The following SBF2 variants were observed in gnomAD, a reference collection of about 807,000 sequenced individuals.
SBF2 encodes the protein myotubularin-related protein 13.
SBF2 carries 112 observed loss-of-function variants against 225.2 expected under a neutral mutation model. The ratio of observed to expected loss-of-function variants is 0.50; its 90% CI spans 0.43 to 0.58. The LOEUF is 0.58. Among genes scored for constraint, SBF2 ranks in the 20% least tolerant of loss-of-function variants. SBF2 has a pLI of 0.00. For synonymous variants in SBF2, 763 were observed against 773.3 expected (o/e 0.99, Z 0.22); for missense variants, 1,996 against 2,206.2 (o/e 0.90, Z 1.91).
chr11:10,196,866 A>ATATTTTTTT lies in SBF2; in HGVS notation c.56-2880_56-2879insAAAAAAATA. On this transcript the variant is annotated intron_variant, in intron 1 of 39. Transcript: ENST00000256190. ...TATATATATATATATATATATATATATTTTTTTTTTCCTACAAAATGAATA... is the reference window on the plus strand; with the variant it reads ...TATATATATATATATATATATATATATATTTTTTTTTTTTTTTTTCCTACAAAATGAATA... Among the ~76,000 whole-genome samples, 80 of 99,306 alleles carry ATATTTTTTT rather than the reference A, an allele frequency of 8.1e-4. 1 individual carries two copies. Among genetic ancestry groups the ATATTTTTTT allele is most frequent in the African/African-American group, 2.7e-3 (68 of 24,794 alleles). 65.1% of individuals were successfully genotyped at this position (99,306 alleles called of 152,430 possible).
intron 2 of SBF2, among the ~76,000 whole-genome samples, chr11:10,069,101 A>G (rs370157026): frequency 1.5e-4 from 23 of 152,228 alleles, no homozygotes; most frequent in African/African-American, 5.5e-4. Context: ...GTACAATGAA[A>G]CCCATTTACC....
chr11:9,930,675 C>T (rs370293700), intron 16 of SBF2, among the ~76,000 whole-genome samples: 20 of 152,298 alleles, frequency 1.3e-4, no homozygotes, highest in Non-Finnish European at 2.4e-4. Context: ...CAGCTCCCAG[C>T]GTGATCGATG....
At chr11:10,261,613 A>T (rs1196196109) in intron 1 of SBF2, among the ~76,000 whole-genome samples, 1 of 152,198 alleles carries the variant, frequency 6.6e-6, no homozygotes, top group Non-Finnish European at 1.5e-5. Flanking sequence ...TAACCCAAAA[A>T]TTCAACTGCT....
intron 5 of SBF2, among the ~76,000 whole-genome samples, chr11:10,029,017 G>T (rs865939716): frequency 5.9e-5 from 9 of 151,902 alleles, no homozygotes; most frequent in Admixed American, 3.3e-4. Context: ...TAGAAGAGAA[G>T]TAAAAAGGCG....
rs557743716 is a variant in SBF2 at position 10,090,116 on chromosome 11, A to G, written c.142-47135T>C. Among the ~76,000 whole-genome samples, 6 of 152,340 alleles carry G rather than the reference A, an allele frequency of 3.9e-5. No individual in the cohort carries two copies. In the South Asian group the frequency reaches 6.2e-4, roughly 16 times the overall value. ...CATATTGGATGATTCCACTTATACA[A>G]GGTACTTAGAATGGTCAAATTCCTA... On this transcript the variant is annotated intron_variant, in intron 2 of 39. Coordinates refer to ENST00000256190, the MANE Select transcript of SBF2 (RefSeq NM_030962.4).
Position 9,789,318 on chromosome 11 carries a change from A to G in SBF2, c.4723T>C (p.Ser1575Pro), listed in dbSNP as rs760597188. The G allele has an allele frequency of 6.2e-7, 1 of 1,614,100 alleles. No individual in the cohort carries two copies. The change falls in exon 35 of 40, where the codon TCT becomes CCT. Residue 1575 changes from serine to proline, a missense_variant. Ser to Pro is a moderately conservative substitution (Grantham distance 74, BLOSUM62 -1). Transcript: ENST00000256190. ...IEALKPNVNV[S>P]SLKKWDYYIE... is the part of the protein sequence containing the mutation. ...TAGTAATCCCACTTCTTGAGGCTAG[A>G]GACGTTTACATTGGGCTTTAGAGCC... is the stretch of plus-strand genomic sequence containing the variant.
chr11:9,789,040 C>G lies in SBF2; in HGVS notation c.4932+69G>C, dbSNP rs541492821. ...AGAGCCATGTTCAGAAGTTACTTAGCCTGGTTCCTTTGCCCTCATGCCTCC... is the reference window on the plus strand; with the variant it reads ...AGAGCCATGTTCAGAAGTTACTTAGGCTGGTTCCTTTGCCCTCATGCCTCC... On this transcript the variant is annotated intron_variant, in intron 35 of 39. Transcript: ENST00000256190. The G allele has an allele frequency of 1.7e-5, 23 of 1,318,628 alleles. No homozygotes were observed. In the East Asian group the frequency reaches 3.7e-4, roughly 21 times the overall value. 81.7% of individuals were successfully genotyped at this position (1,318,628 alleles called of 1,614,324 possible).
chr11:9,855,065 G>C (rs1469155971), intron 19 of SBF2, among the ~76,000 whole-genome samples: 1 of 152,154 alleles, frequency 6.6e-6, no homozygotes, highest in Non-Finnish European at 1.5e-5. Context: ...GTGAAGGAAT[G>C]GGAAAGCATC....
At chr11:9,916,242 T>C (rs189573825) in intron 16 of SBF2, among the ~76,000 whole-genome samples, 13 of 152,256 alleles carry the variant, frequency 8.5e-5, no homozygotes, top group East Asian at 3.9e-4. Flanking sequence ...AAGATGATAA[T>C]AGAAGATCAG....
chr11:10,192,246 C>T (rs1957202442), intron 2 of SBF2, among the ~76,000 whole-genome samples: 1 of 152,016 alleles, frequency 6.6e-6, no homozygotes, highest in Non-Finnish European at 1.5e-5. Flanking sequence ...TCCTTGGATC[C>T]TCACATTCCT....
chr11:10,041,616 C>T (rs1949661075), intron 3 of SBF2, among the ~76,000 whole-genome samples: 1 of 152,140 alleles, frequency 6.6e-6, no homozygotes, highest in African/African-American at 2.4e-5. Flanking sequence ...TTTAACACAT[C>T]AGTCTAATGA....
intron 16 of SBF2, among the ~76,000 whole-genome samples, chr11:9,918,812 C>T (rs181585148): frequency 1.1e-3 from 170 of 151,466 alleles, no homozygotes; most frequent in African/African-American, 4.0e-3. Flanking sequence ...GATCTCGGCT[C>T]GCTGCAAGCT....
At chr11:10,039,038 C>G (rs1028128284) in intron 3 of SBF2, among the ~76,000 whole-genome samples, 2 of 151,634 alleles carry the variant, frequency 1.3e-5, no homozygotes, top group Non-Finnish European at 3.0e-5. Context: ...AGTTTAATGC[C>G]AAGTTTTGCT....
At chr11:9,969,795 T>C (rs1867207176) in intron 13 of SBF2, among the ~76,000 whole-genome samples, 1 of 152,230 alleles carries the variant, frequency 6.6e-6, no homozygotes, top group South Asian at 2.1e-4. Context: ...TTATTGTCTA[T>C]CCTTCTCTCC....
intron 1 of SBF2, among the ~76,000 whole-genome samples, chr11:10,200,328 G>C (rs1957526508): frequency 6.6e-6 from 1 of 152,168 alleles, no homozygotes; most frequent in African/African-American, 2.4e-5. Flanking sequence ...GTATGAGTAG[G>C]TGCATGTTTC....
chr11:10,064,646 T>C (rs1331357787), intron 2 of SBF2, among the ~76,000 whole-genome samples: 2 of 152,210 alleles, frequency 1.3e-5, no homozygotes, highest in African/African-American at 4.8e-5. Context: ...GCTACATTAA[T>C]ATCAACGTAG....
At chr11:10,126,557 G>A (rs1409894280) in intron 2 of SBF2, among the ~76,000 whole-genome samples, 1 of 151,870 alleles carries the variant, frequency 6.6e-6, no homozygotes, top group African/African-American at 2.4e-5. Context: ...AATACATGCA[G>A]GAATGAAAAA....
chr11:10,205,048 T>C (rs1414132499), intron 1 of SBF2, among the ~76,000 whole-genome samples: 2 of 151,762 alleles, frequency 1.3e-5, no homozygotes, highest in South Asian at 2.1e-4. Flanking sequence ...CAGGGTAAAA[T>C]AGCTAATGCT....
intron 6 of SBF2, among the ~76,000 whole-genome samples, chr11:10,022,405 T>C (rs1042626233): frequency 6.6e-6 from 1 of 152,146 alleles, no homozygotes; most frequent in Non-Finnish European, 1.5e-5. Context: ...GTTTTAAAAA[T>C]ATATTAGTTA....
Sources: gnomAD v4.1 joint callset for allele counts (sites outside exome capture counted in the v4.1 genomes callset) on GRCh38, gnomAD v4.1.1 for gene constraint, MANE v1.5 for transcripts, NCBI Gene and HGNC (gene_info 2026-07-23, HGNC 2026-07-21) for gene names.